KLHL32: variants seen among roughly 807,000 people sequenced by gnomAD.
KLHL32 encodes the protein kelch-like protein 32.
In KLHL32, 35 loss-of-function variants were observed where a neutral mutation model predicts 64.8. That is an observed-to-expected ratio of 0.54 (90% CI 0.41 to 0.72). KLHL32 has a LOEUF of 0.72. KLHL32 is among the 30% of genes least tolerant of loss of function. The pLI is 0.00. For missense variants in KLHL32, 589 were observed against 768.5 expected (o/e 0.77, Z 2.76); for synonymous variants, 259 against 281.0 (o/e 0.92, Z 0.78).
At chr6:96,905,631 G>A in the KLHL32 span, among the ~76,000 whole-genome samples, 1 of 152,200 alleles carries the variant, frequency 6.6e-6, no homozygotes, top group Non-Finnish European at 1.5e-5. Context: ...TAGGGTTGTT[G>A]TGAGATATGA....
chr6:97,050,725 G>A (rs1786753014), intron 4 of KLHL32, among the ~76,000 whole-genome samples: 1 of 152,144 alleles, frequency 6.6e-6, no homozygotes, highest in African/African-American at 2.4e-5. Context: ...AATGTGGGCT[G>A]GACGCAGTGG....
intron 6 of KLHL32, among the ~76,000 whole-genome samples, chr6:97,090,584 A>T (rs1211252550): frequency 6.6e-6 from 1 of 152,256 alleles, no homozygotes; most frequent in African/African-American, 2.4e-5. Context: ...CTCAGCTTTC[A>T]TCTTTTATCC....
intron 3 of KLHL32, among the ~76,000 whole-genome samples, chr6:97,036,917 C>G (rs377607417): frequency 2.5e-4 from 38 of 152,336 alleles, no homozygotes; most frequent in African/African-American, 8.2e-4. Context: ...CTGCTCTTTT[C>G]CCCTATGGGG....
chr6:96,926,094 A>G (rs764011627), intron 1 of KLHL32, among the ~76,000 whole-genome samples: 1 of 152,170 alleles, frequency 6.6e-6, no homozygotes, highest in Non-Finnish European at 1.5e-5. Flanking sequence ...GTAACACAGT[A>G]CTTGAAGGCA....
At chr6:97,004,556 G>T (rs138305614) in intron 3 of KLHL32, among the ~76,000 whole-genome samples, 1 of 152,050 alleles carries the variant, frequency 6.6e-6, no homozygotes, top group Non-Finnish European at 1.5e-5. Flanking sequence ...TCTTGTTCCC[G>T]TTCTCAAGGG....
At chr6:97,040,149 G>GT (rs1187738733) in intron 3 of KLHL32, among the ~76,000 whole-genome samples, 1 of 151,960 alleles carries the variant, frequency 6.6e-6, no homozygotes, top group Non-Finnish European at 1.5e-5. Context: ...GCATAGTGAG[G>GT]TTTTTTTGGT....
At chr6:97,119,553 G>A (rs1798148283) in intron 7 of KLHL32, among the ~76,000 whole-genome samples, 1 of 152,166 alleles carries the variant, frequency 6.6e-6, no homozygotes, top group Non-Finnish European at 1.5e-5. Context: ...TTGGAAGAAG[G>A]CGGAAACTAG....
intron 2 of KLHL32, among the ~76,000 whole-genome samples, chr6:96,972,067 G>C (rs1035924700): frequency 1.3e-5 from 2 of 152,064 alleles, no homozygotes; most frequent in African/African-American, 2.4e-5. Flanking sequence ...GGCCAGGCTG[G>C]TCTTGAACTC....
intron 1 of KLHL32, among the ~76,000 whole-genome samples, chr6:96,949,181 G>C (rs774497948): frequency 6.6e-6 from 1 of 152,140 alleles, no homozygotes; most frequent in Admixed American, 6.6e-5. Context: ...TAGGGACATT[G>C]CATGTCTTGT....
At chr6:97,017,605 C>T (rs1781395120) in intron 3 of KLHL32, among the ~76,000 whole-genome samples, 1 of 152,162 alleles carries the variant, frequency 6.6e-6, no homozygotes. Context: ...GATAGACAAG[C>T]CAGACTATTC....
intron 8 of KLHL32, among the ~76,000 whole-genome samples, 177 bp from the exon 9 acceptor site, chr6:97,130,580 G>A (rs1053748336): frequency 6.6e-6 from 1 of 152,088 alleles, no homozygotes; most frequent in African/African-American, 2.4e-5. Context: ...TGGCTCTTTT[G>A]TACTTGTTCT....
At chr6:97,014,639 A>G (rs1318515698) in intron 3 of KLHL32, among the ~76,000 whole-genome samples, 2 of 152,202 alleles carry the variant, frequency 1.3e-5, no homozygotes, top group Admixed American at 1.3e-4. Context: ...GCATTTTGTC[A>G]CTGTCCATGC....
chr6:96,989,877 G>A (rs1777639730), intron 3 of KLHL32, among the ~76,000 whole-genome samples: 1 of 151,928 alleles, frequency 6.6e-6, no homozygotes, highest in South Asian at 2.1e-4. Context: ...GGTCTATTCT[G>A]CTGTTAAAAA....
intron 1 of KLHL32, among the ~76,000 whole-genome samples, chr6:96,942,210 G>A (rs62413862): frequency 0.077 from 11,765 of 152,198 alleles, 488 homozygotes; most frequent in Middle Eastern, 0.15. Context: ...CCCAAGATCT[G>A]CTGGCCCCAC....
chr6:97,002,597 A>G (rs571595228), intron 3 of KLHL32, among the ~76,000 whole-genome samples: 2 of 152,282 alleles, frequency 1.3e-5, no homozygotes, highest in South Asian at 4.1e-4. Flanking sequence ...AGTACGCTAT[A>G]GGTGTATTTT....
At chr6:97,078,371 T>G (rs780079120) in intron 5 of KLHL32, among the ~76,000 whole-genome samples, 4 of 152,196 alleles carry the variant, frequency 2.6e-5, no homozygotes, top group African/African-American at 4.8e-5. Flanking sequence ...ATGGGGTAAT[T>G]TAGGTGACAT....
intron 6 of KLHL32, among the ~76,000 whole-genome samples, chr6:97,088,756 C>G (rs1165332275): frequency 2.0e-5 from 3 of 152,028 alleles, no homozygotes; most frequent in East Asian, 1.9e-4. Context: ...ATAAATAAGC[C>G]AAAACATGGC....
At chr6:96,943,302 G>T (rs1771546511) in intron 1 of KLHL32, among the ~76,000 whole-genome samples, 1 of 151,652 alleles carries the variant, frequency 6.6e-6, no homozygotes, top group African/African-American at 2.4e-5. Flanking sequence ...TCTAGAACCA[G>T]CTCTTAAAGG....
chr6:97,048,290 G>T (rs17057311), intron 4 of KLHL32, among the ~76,000 whole-genome samples: 3,725 of 152,240 alleles, frequency 0.024, 53 homozygotes, highest in East Asian at 0.071. Flanking sequence ...TGGGATCTGT[G>T]TTCCCTTGCA....
Sources: allele counts gnomAD v4.1 joint callset (sites outside exome capture counted in the v4.1 genomes callset), GRCh38; gene constraint gnomAD v4.1.1; transcripts MANE v1.5; gene names NCBI Gene and HGNC (gene_info 2026-07-23, HGNC 2026-07-21).